Variants in AJAP1 observed in about 807,000 individuals in gnomAD.
The protein encoded by AJAP1 is adherens junction-associated protein 1.
AJAP1 carries 5 observed loss-of-function variants against 35.0 expected under a neutral mutation model. That is an observed-to-expected ratio of 0.14 (90% CI 0.07 to 0.30). AJAP1 has a LOEUF of 0.30. Ranked by LOEUF, AJAP1 falls within the 10% of genes least tolerant of loss-of-function variation. The pLI is 1.00. For synonymous variants in AJAP1, 284 were observed against 249.3 expected (o/e 1.14, Z -1.31); for missense variants, 586 against 571.0 (o/e 1.03, Z -0.27).
intron 2 of AJAP1, among the ~76,000 whole-genome samples, chr1:4,749,577 CA>C (rs1298787100): frequency 1.3e-5 from 2 of 152,186 alleles, no homozygotes; most frequent in African/African-American, 2.4e-5. Context: ...CTGTGGAGGC[CA>C]GGGGGAGGCA....
At position 4,692,734 on chromosome 1, in the gene AJAP1, C is replaced by G. The variant is rs11801722; in HGVS notation, c.30-19166C>G. Among the ~76,000 whole-genome samples the G allele has an allele frequency of 0.022, 3,288 of 152,314 alleles. 113 individuals carry two copies. The highest frequency in any genetic ancestry group is 0.075 in the African/African-American group (3,136 of 41,554). On this transcript the variant is annotated intron_variant, in intron 1 of 5. Transcript: ENST00000378191. The surrounding 1 kb of genome is among the most constrained non-coding windows in gnomAD (Gnocchi z 4.4). ...TCAGCCAAGCAGAGATGAAGCCACC[C>G]TGGCACTCTGCTGTCCTCCCTCCAG...
intron 2 of AJAP1, among the ~76,000 whole-genome samples, chr1:4,726,436 T>A (rs1640661639): frequency 6.6e-6 from 1 of 152,172 alleles, no homozygotes; most frequent in African/African-American, 2.4e-5. Flanking sequence ...GAGCAGAGTC[T>A]GCTTCCAGGA....
chr1:4,700,156 A>G (rs556905542), intron 1 of AJAP1, among the ~76,000 whole-genome samples: 1 of 151,232 alleles, frequency 6.6e-6, no homozygotes, highest in East Asian at 2.0e-4. Context: ...CTCCTGATAC[A>G]CCTCCTTCTT....
intron 1 of AJAP1, among the ~76,000 whole-genome samples, chr1:4,667,624 C>A (rs529303510): frequency 4.6e-5 from 7 of 152,210 alleles, no homozygotes; most frequent in African/African-American, 9.7e-5. Context: ...TGACAGGAGG[C>A]GGAGCTCAGA....
chr1:4,711,874 T>A (rs757474178), intron 1 of AJAP1, 26 bp from the exon 2 acceptor site: 19 of 1,436,750 alleles, frequency 1.3e-5, no homozygotes, highest in Non-Finnish European at 1.6e-5. Flanking sequence ...CACTGACCGC[T>A]CTTCTCTCCT....
At chr1:4,765,066 T>C (rs1301931909) in intron 2 of AJAP1, among the ~76,000 whole-genome samples, 1 of 152,222 alleles carries the variant, frequency 6.6e-6, no homozygotes, top group Non-Finnish European at 1.5e-5. Flanking sequence ...TGGCAGCTGA[T>C]TCCTCACGCA....
chr1:4,703,412 C>A (rs971900213), intron 1 of AJAP1, among the ~76,000 whole-genome samples: 6 of 151,942 alleles, frequency 3.9e-5, no homozygotes. Flanking sequence ...ACAGAGCGAG[C>A]CTGCTCTTGA....
chr1:4,760,540 C>A (rs1162807601), intron 2 of AJAP1, among the ~76,000 whole-genome samples: 1 of 152,160 alleles, frequency 6.6e-6, no homozygotes, highest in Admixed American at 6.5e-5. Context: ...AGATCTGACT[C>A]CCCCGCCCCT....
At chr1:4,746,930 G>A (rs1360566491) in intron 2 of AJAP1, among the ~76,000 whole-genome samples, 1 of 152,192 alleles carries the variant, frequency 6.6e-6, no homozygotes, top group South Asian at 2.1e-4. Context: ...AGGGACTGTG[G>A]GTCTTGATAG....
intron 1 of AJAP1, among the ~76,000 whole-genome samples, chr1:4,691,724 T>C (rs1639743945): frequency 6.6e-6 from 1 of 150,582 alleles, no homozygotes; most frequent in South Asian, 2.1e-4. Flanking sequence ...AAGGGAGGAG[T>C]AGGGCAGGCG....
At chr1:4,738,654 G>A (rs939317780) in intron 2 of AJAP1, among the ~76,000 whole-genome samples, 25 of 152,314 alleles carry the variant, frequency 1.6e-4, no homozygotes, top group Non-Finnish European at 3.4e-4. Flanking sequence ...AGGAGAAGCC[G>A]CTGGAGGGTT....
chr1:4,683,876 A>T (rs952668182), intron 1 of AJAP1, among the ~76,000 whole-genome samples: 6 of 152,178 alleles, frequency 3.9e-5, no homozygotes, highest in Non-Finnish European at 5.9e-5. Flanking sequence ...AGAAAGCCTG[A>T]TGCTTAGGGC....
intron 1 of AJAP1, among the ~76,000 whole-genome samples, chr1:4,676,489 T>C (rs1032624360): frequency 2.0e-5 from 3 of 152,124 alleles, no homozygotes; most frequent in Non-Finnish European, 2.9e-5. Context: ...CCACCTGCAT[T>C]ACCCCTTCTC....
chr1:4,718,726 C>A (rs1342999982), intron 2 of AJAP1, among the ~76,000 whole-genome samples: 1 of 152,142 alleles, frequency 6.6e-6, no homozygotes, highest in African/African-American at 2.4e-5. Context: ...CATGATCCAC[C>A]TGCCTCAGCC....
intron 2 of AJAP1, among the ~76,000 whole-genome samples, chr1:4,739,072 C>T (rs1640997059): frequency 6.6e-6 from 1 of 152,120 alleles, no homozygotes; most frequent in African/African-American, 2.4e-5. Flanking sequence ...TTTCCATGGG[C>T]ACCGGAATTC....
intron 2 of AJAP1, among the ~76,000 whole-genome samples, chr1:4,758,840 T>A (rs1641499092): frequency 6.6e-6 from 1 of 152,176 alleles, no homozygotes; most frequent in Admixed American, 6.5e-5. Flanking sequence ...TGAAGGCAGC[T>A]TCTCAGGGCT....
intron 1 of AJAP1, among the ~76,000 whole-genome samples, chr1:4,695,681 C>T (rs1639843500): frequency 6.6e-6 from 1 of 152,198 alleles, no homozygotes. Flanking sequence ...CCTGTAGATG[C>T]TGCCTTTCCC....
chr1:4,774,816 A>G (rs752076203), intron 5 of AJAP1, among the ~76,000 whole-genome samples: 4 of 152,008 alleles, frequency 2.6e-5, no homozygotes, highest in African/African-American at 4.8e-5. Flanking sequence ...CGTCCTCACT[A>G]TTCTTATCAG....
In AJAP1 at chr1:4,711,996, G is replaced by A; in HGVS notation, c.126G>A (p.Glu42=). Residue 42 remains glutamate (E), a synonymous_variant, in exon 2 of 6, where the codon GAG becomes GAA. Coordinates refer to ENST00000378191, the MANE Select transcript of AJAP1 (RefSeq NM_018836.4). ...TCGCCGTGGACCTGCCCGCCTGTGA[G>A]GCCCTGGGCCCGGGGCCGGAGTTCT... ...FQLAVDLPAC[E]ALGPGPEFWL... The A allele has an allele frequency of 6.3e-7, 1 of 1,593,860 alleles. No homozygotes were observed. Among genetic ancestry groups the A allele is most frequent in the Non-Finnish European group, 8.5e-7 (1 of 1,173,544 alleles).
Sources: gnomAD v4.1 joint callset for allele counts (sites outside exome capture counted in the v4.1 genomes callset) on GRCh38, gnomAD v4.1.1 for gene constraint, Gnocchi (gnomAD v3.1) non-coding constraint, MANE v1.5 for transcripts, NCBI Gene and HGNC (gene_info 2026-07-23, HGNC 2026-07-21) for gene names.